Variants in ZNF140 observed in about 807,000 individuals in gnomAD.
ZNF140 encodes the protein zinc finger protein 140.
ZNF140 carries 13 observed loss-of-function variants against 12.9 expected under a neutral mutation model. The ratio of observed to expected loss-of-function variants is 1.01; its 90% CI spans 0.66 to 1.60. The LOEUF (loss-of-function observed/expected upper bound fraction) is 1.60, where lower values mean the gene tolerates loss of function less well. Among genes scored for constraint, ZNF140 ranks in the 40% most tolerant of loss-of-function variants. The pLI, the probability that ZNF140 is intolerant of heterozygous loss-of-function variation, is 0.00. For synonymous variants in ZNF140, 214 were observed against 186.7 expected, an observed-to-expected ratio of 1.15 and a Z score of -1.19; for missense variants, 531 against 548.8, an observed-to-expected ratio of 0.97 and a Z score of 0.32.
chr12:133,082,932 A>G, intron 2 of ZNF140, 171 bp from the exon 3 acceptor site: 2 of 908,570 alleles, frequency 2.2e-6, no homozygotes, highest in Non-Finnish European at 3.2e-6. Context: ...GTTATACAAC[A>G]AAACACAAGA....
intron 4 of ZNF140, among the ~76,000 whole-genome samples, chr12:133,090,870 T>G (rs949206876): frequency 1.5e-5 from 2 of 135,306 alleles, no homozygotes; most frequent in Non-Finnish European, 3.3e-5. Context: ...AATCCAGATT[T>G]ATGTTTCTCT....
chr12:133,091,809 A>G (rs1312377630), intron 4 of ZNF140, among the ~76,000 whole-genome samples: 1 of 151,142 alleles, frequency 6.6e-6, no homozygotes, highest in Non-Finnish European at 1.5e-5. Context: ...TGTTTCAAAA[A>G]TAATGTTCTT....
rs202114710 is a variant in ZNF140 at position 133,106,211 on chromosome 12, C to T, written c.934C>T (p.Arg312Cys). ...CATTGAATGTGGGAAGGCATTTCGC[C>T]GTTTCTCACACCTTACTCGACATCA... ...ECIECGKAFR[R>C]FSHLTRHQSI... Residue 312 changes from arginine to cysteine, a missense_variant, in exon 5 of 5, where the codon CGT becomes TGT. Arg to Cys is a radical substitution (Grantham distance 180). Coordinates refer to ENST00000355557, the MANE Select transcript of ZNF140 (RefSeq NM_003440.4). The T allele has an allele frequency of 4.7e-5, 76 of 1,613,974 alleles. No homozygotes were observed. The highest frequency in any genetic ancestry group is 6.2e-5 in the Non-Finnish European group (73 of 1,180,018).
chr12:133,106,241 A>G lies in ZNF140; in HGVS notation c.964A>G (p.Ile322Val). 6.2e-7 allele frequency: 1 copy of G among 1,614,238 alleles called. No individual in the cohort carries two copies. The change falls in exon 5 of 5, where the codon ATC (isoleucine) becomes GTC (valine). Residue 322 changes from isoleucine (I) to valine (V), a missense_variant. Coordinates refer to ENST00000355557, the MANE Select transcript of ZNF140 (RefSeq NM_003440.4). ...RFSHLTRHQS[I>V]HTTKTPYECN... The stretch of plus-strand genomic sequence containing the variant: ...CTCACACCTTACTCGACATCAGAGC[A>G]TCCATACAACCAAAACCCCGTATGA...
At chr12:133,092,544 A>G (rs975452020) in intron 4 of ZNF140, among the ~76,000 whole-genome samples, 1 of 151,348 alleles carries the variant, frequency 6.6e-6, no homozygotes, top group African/African-American at 2.4e-5. Flanking sequence ...TTTCCATACC[A>G]AATTTTAATG....
chr12:133,092,321 A>G lies in ZNF140; in HGVS notation c.232+8760A>G, dbSNP rs906320855. 2.6e-5 allele frequency among the ~76,000 whole-genome samples: 4 copies of G among 151,028 alleles called. 1 individual carries two copies. The highest frequency in any genetic ancestry group is 9.8e-5 in the African/African-American group (4 of 40,708). On this transcript the variant is annotated intron_variant, in intron 4 of 4. Transcript: ENST00000355557. Reference sequence around the variant, plus strand: ...CCTCGCACCCTCTCTTGCCCTCACTAACAGAATACGATGCTGCCAATCAAA... The same window carrying G: ...CCTCGCACCCTCTCTTGCCCTCACTGACAGAATACGATGCTGCCAATCAAA...
At chr12:133,088,155 A>G (rs1482275027) in intron 4 of ZNF140, among the ~76,000 whole-genome samples, 2 of 151,800 alleles carry the variant, frequency 1.3e-5, no homozygotes, top group African/African-American at 4.8e-5. Flanking sequence ...AAAAGGAAGG[A>G]AGAAAGAAGG....
At chr12:133,093,640 G>A (rs1954971306) in intron 4 of ZNF140, 3 of 594,280 alleles carry the variant, frequency 5.0e-6, no homozygotes, top group African/African-American at 1.9e-5. Flanking sequence ...CCCTCATGTG[G>A]GCTGTTCTTT....
chr12:133,103,306 C>A (rs890570406), intron 4 of ZNF140, among the ~76,000 whole-genome samples: 1 of 152,186 alleles, frequency 6.6e-6, no homozygotes. Flanking sequence ...CTGTCCAACA[C>A]CCCCTTTGTT....
intron 4 of ZNF140, among the ~76,000 whole-genome samples, chr12:133,103,192 C>T (rs1186848542): frequency 6.6e-6 from 1 of 152,124 alleles, no homozygotes; most frequent in Non-Finnish European, 1.5e-5. Flanking sequence ...GCATTCAAAA[C>T]TTCTCTCTTC....
chr12:133,089,834 A>C lies in ZNF140; in HGVS notation c.232+6273A>C, dbSNP rs953295153. 3.1e-3 allele frequency among the ~76,000 whole-genome samples: 465 copies of C among 149,568 alleles called. 11 individuals are homozygous for C. The highest frequency in any genetic ancestry group is 0.024 in the Admixed American group (366 of 15,068). On this transcript the variant is annotated intron_variant, in intron 4 of 4. Transcript: ENST00000355557. ...TTTTCTCTATTAATAGCCTATTGTA[A>C]ATTTCATCAATATTTGTGCTTTTTT...
intron 4 of ZNF140, among the ~76,000 whole-genome samples, chr12:133,097,423 C>T (rs902039665): frequency 6.6e-6 from 1 of 152,072 alleles, no homozygotes; most frequent in Admixed American, 6.6e-5. Context: ...GTGGGCAGAT[C>T]ATGAGTTCAG....
chr12:133,088,473 G>A (rs1011311837), intron 4 of ZNF140, among the ~76,000 whole-genome samples: 1 of 152,090 alleles, frequency 6.6e-6, no homozygotes, highest in Non-Finnish European at 1.5e-5. Flanking sequence ...ATATTCCATT[G>A]TCTGCATGTA....
At chr12:133,097,819 A>ATGTGTGTGTGTGTGTGTGTG (rs71079166) in intron 4 of ZNF140, among the ~76,000 whole-genome samples, 2,289 of 143,146 alleles carry the variant, frequency 0.016, 33 homozygotes, top group South Asian at 0.038. Flanking sequence ...ACATCTAACC[A>ATGTGTGTGTGTGTGTGTGTG]TGTGTGTGTG....
chr12:133,093,707 A>G (rs1954974252), intron 4 of ZNF140, among the ~76,000 whole-genome samples: 1 of 151,250 alleles, frequency 6.6e-6, no homozygotes, highest in South Asian at 2.1e-4. Flanking sequence ...ATATGTTTAG[A>G]AAATTCAAAG....
intron 4 of ZNF140, among the ~76,000 whole-genome samples, chr12:133,085,808 G>C (rs1321184131): frequency 6.6e-6 from 1 of 152,192 alleles, no homozygotes. Flanking sequence ...CTTGAGGCCA[G>C]GAGTTGAAGA....
Position 133,081,010 on chromosome 12 carries a change from G to T in ZNF140, c.-111G>T. 5.3e-6 allele frequency: 1 copy of T among 189,664 alleles called. No homozygotes were observed. Among genetic ancestry groups the T allele is most frequent in the Non-Finnish European group, 1.1e-5 (1 of 88,516 alleles). 11.7% of individuals were successfully genotyped at this position (189,664 alleles called of 1,614,324 possible). ...GGGCGGTGACTCGGTCCGGAGCCCTGGAACGCTACGCCCACCTGGCGGAAA... is the reference window on the plus strand; with the variant it reads ...GGGCGGTGACTCGGTCCGGAGCCCTTGAACGCTACGCCCACCTGGCGGAAA... On this transcript the variant is annotated 5_prime_UTR_variant, in exon 1 of 5. The change creates a premature stop within an existing upstream ORF in the 5' untranslated region. Coordinates refer to ENST00000355557, the MANE Select transcript of ZNF140 (RefSeq NM_003440.4).
chr12:133,091,033 A>AG (rs1954856264), intron 4 of ZNF140, among the ~76,000 whole-genome samples: 4 of 143,504 alleles, frequency 2.8e-5, no homozygotes, highest in South Asian at 2.3e-4. Context: ...CCAGGGGCAG[A>AG]CAGGAGACAG....
chr12:133,081,207 G>A, intron 1 of ZNF140, 66 bp from the exon 2 acceptor site: 1 of 743,344 alleles, frequency 1.3e-6, no homozygotes, highest in South Asian at 1.6e-5. Flanking sequence ...CCCAGTGCGG[G>A]AATCTAGTGA....
Sources: allele counts gnomAD v4.1 joint callset (sites outside exome capture counted in the v4.1 genomes callset), GRCh38; gene constraint gnomAD v4.1.1; transcripts MANE v1.5; gene names NCBI Gene and HGNC (gene_info 2026-07-23, HGNC 2026-07-21).